Variants in SOBP observed in about 807,000 individuals in gnomAD.
The protein encoded by SOBP is sine oculis-binding protein homolog.
SOBP carries 4 observed loss-of-function variants against 53.6 expected under a neutral mutation model. That is an observed-to-expected ratio of 0.07 (90% CI 0.04 to 0.17). The LOEUF is 0.17. Ranked by LOEUF, SOBP falls within the 10% of genes least tolerant of loss-of-function variation. SOBP has a pLI of 1.00. For synonymous variants in SOBP, 584 were observed against 522.6 expected, an observed-to-expected ratio of 1.12 and a Z score of -1.60; for missense variants, 1,088 against 1,204.7, an observed-to-expected ratio of 0.90 and a Z score of 1.43.
At chr6:107,495,228 C>G (rs1043508112) in intron 1 of SOBP, among the ~76,000 whole-genome samples, 6 of 152,178 alleles carry the variant, frequency 3.9e-5, no homozygotes, top group African/African-American at 1.4e-4. Flanking sequence ...GCACATAGCC[C>G]TGGCCTCTTG....
chr6:107,601,886 A>G (rs1786190068), intron 5 of SOBP, among the ~76,000 whole-genome samples: 1 of 152,260 alleles, frequency 6.6e-6, no homozygotes, highest in East Asian at 1.9e-4. Context: ...AGACATATTC[A>G]TTTAATGAGC....
At chr6:107,569,725 C>T (rs1157404289) in intron 4 of SOBP, among the ~76,000 whole-genome samples, 1 of 152,204 alleles carries the variant, frequency 6.6e-6, no homozygotes, top group Non-Finnish European at 1.5e-5. Context: ...AAGACTCTTT[C>T]CACCATATGT....
intron 5 of SOBP, among the ~76,000 whole-genome samples, chr6:107,608,164 C>G (rs1043066934): frequency 6.6e-6 from 1 of 152,146 alleles, no homozygotes; most frequent in African/African-American, 2.4e-5. Flanking sequence ...CATCTTACAT[C>G]TTATACACCA....
intron 4 of SOBP, among the ~76,000 whole-genome samples, chr6:107,542,828 TTC>T (rs1784188949): frequency 6.6e-6 from 1 of 152,026 alleles, no homozygotes; most frequent in Admixed American, 6.6e-5. Context: ...TGGGTAAGTG[TTC>T]TGACACAGCG....
At chr6:107,619,811 G>T (rs1043946789) in intron 5 of SOBP, among the ~76,000 whole-genome samples, 2 of 152,152 alleles carry the variant, frequency 1.3e-5, no homozygotes, top group Non-Finnish European at 2.9e-5. Context: ...CCAGACTGAG[G>T]CTGTCCTGGG....
intron 4 of SOBP, among the ~76,000 whole-genome samples, chr6:107,569,605 G>A (rs751957816): frequency 3.9e-5 from 6 of 152,200 alleles, no homozygotes; most frequent in Non-Finnish European, 7.3e-5. Flanking sequence ...TCTCCTGTCC[G>A]TATTTTTACT....
chr6:107,556,988 C>T (rs1784629607), intron 4 of SOBP, among the ~76,000 whole-genome samples: 1 of 152,162 alleles, frequency 6.6e-6, no homozygotes, highest in Non-Finnish European at 1.5e-5. Flanking sequence ...CAAGAATATA[C>T]ATTTATATCA....
At chr6:107,547,607 A>G (rs1468845986) in intron 4 of SOBP, among the ~76,000 whole-genome samples, 1 of 152,254 alleles carries the variant, frequency 6.6e-6, no homozygotes, top group Admixed American at 6.5e-5. Context: ...AGAACTAATA[A>G]TAAAACTAAA....
At chr6:107,617,050 G>A (rs1786818192) in intron 5 of SOBP, among the ~76,000 whole-genome samples, 1 of 152,198 alleles carries the variant, frequency 6.6e-6, no homozygotes, top group Admixed American at 6.5e-5. Flanking sequence ...ATGGGAGGAG[G>A]CAGGGAAGGC....
intron 1 of SOBP, among the ~76,000 whole-genome samples, chr6:107,500,636 C>T (rs934232156): frequency 4.0e-4 from 61 of 151,900 alleles, no homozygotes; most frequent in African/African-American, 1.4e-3. Flanking sequence ...ATTCTCCTGC[C>T]TCAGCCTCCC....
intron 5 of SOBP, among the ~76,000 whole-genome samples, chr6:107,622,824 T>C (rs1230273021): frequency 1.3e-5 from 2 of 152,200 alleles, no homozygotes; most frequent in Non-Finnish European, 2.9e-5. Flanking sequence ...TAGTATAAAA[T>C]ATGGAGCAGA....
intron 4 of SOBP, among the ~76,000 whole-genome samples, chr6:107,549,144 G>A (rs1400807690): frequency 6.6e-6 from 1 of 152,026 alleles, no homozygotes; most frequent in Non-Finnish European, 1.5e-5. Flanking sequence ...GCAGGTGCCT[G>A]TAGTCCCAGC....
intron 3 of SOBP, among the ~76,000 whole-genome samples, chr6:107,531,661 A>AT (rs1783827938): frequency 6.6e-6 from 1 of 152,176 alleles, no homozygotes; most frequent in Non-Finnish European, 1.5e-5. Context: ...TGAAATATCA[A>AT]AAAGCTTGCT....
At chr6:107,588,531 T>A (rs950688539) in intron 5 of SOBP, among the ~76,000 whole-genome samples, 1 of 152,258 alleles carries the variant, frequency 6.6e-6, no homozygotes, top group Non-Finnish European at 1.5e-5. Flanking sequence ...TCGGTTTTAA[T>A]GTGTCTCTGT....
intron 3 of SOBP, among the ~76,000 whole-genome samples, chr6:107,532,278 A>AC (rs1342846251): frequency 2.7e-5 from 4 of 149,452 alleles, no homozygotes; most frequent in Non-Finnish European, 1.5e-5. Context: ...CACACCACAC[A>AC]CACACACACA....
At chr6:107,580,354 A>G (rs1413188911) in intron 4 of SOBP, among the ~76,000 whole-genome samples, 1 of 152,250 alleles carries the variant, frequency 6.6e-6, no homozygotes, top group Non-Finnish European at 1.5e-5. Context: ...AGGGTTATCC[A>G]TTCATAGAGG....
intron 4 of SOBP, among the ~76,000 whole-genome samples, chr6:107,560,797 T>C (rs527624371): frequency 4.8e-4 from 73 of 152,228 alleles, no homozygotes; most frequent in African/African-American, 1.7e-3. Context: ...GAGGTGGGTA[T>C]ACATGGCCAT....
intron 4 of SOBP, among the ~76,000 whole-genome samples, chr6:107,537,833 A>T (rs889996324): frequency 2.6e-5 from 4 of 152,018 alleles, no homozygotes; most frequent in Non-Finnish European, 4.4e-5. Flanking sequence ...AAAAAAAAAA[A>T]AAAAGATCGA....
At chr6:107,626,483 A>G (rs1770465534) in intron 5 of SOBP, among the ~76,000 whole-genome samples, 1 of 152,220 alleles carries the variant, frequency 6.6e-6, no homozygotes, top group Non-Finnish European at 1.5e-5. Flanking sequence ...GAGATGCTTG[A>G]ATGAAAACAA....
Sources: gnomAD v4.1 joint callset for allele counts (sites outside exome capture counted in the v4.1 genomes callset) on GRCh38, gnomAD v4.1.1 for gene constraint, MANE v1.5 for transcripts, NCBI Gene and HGNC (gene_info 2026-07-23, HGNC 2026-07-21) for gene names.